VPS37C: variants seen among roughly 807,000 people sequenced by gnomAD.
The protein encoded by VPS37C is vacuolar protein sorting-associated protein 37C.
A neutral mutation model predicts 16.1 loss-of-function variants in VPS37C; 9 were observed. That is an observed-to-expected ratio of 0.56 (90% CI 0.34 to 0.97). VPS37C has a LOEUF of 0.97. VPS37C is among the 50% of genes least tolerant of loss of function. The pLI, the probability that VPS37C is intolerant of heterozygous loss-of-function variation, is 0.02. For synonymous variants in VPS37C, 207 were observed against 206.4 expected (o/e 1.00, Z -0.02); for missense variants, 479 against 472.7 (o/e 1.01, Z -0.12).
At chr11:61,149,184 G>T (rs1209820096) in intron 1 of VPS37C, among the ~76,000 whole-genome samples, 2 of 152,202 alleles carry the variant, frequency 1.3e-5, no homozygotes, top group African/African-American at 4.8e-5. Flanking sequence ...TACTCAGGAG[G>T]CTGAGGCAGG....
chr11:61,133,345 G>C lies in VPS37C; in HGVS notation c.266-8C>G, dbSNP rs1026890365. On this transcript the variant is annotated splice_region_variant and splice_polypyrimidine_tract_variant and intron_variant, in intron 3 of 4. Coordinates refer to ENST00000301765, the MANE Select transcript of VPS37C (RefSeq NM_017966.5). ...GTGCTGAAGAAAATTTCTCTGGAAGGGAGGGCAGAACGACTGACATTTGAA... is the reference window on the plus strand; with the variant it reads ...GTGCTGAAGAAAATTTCTCTGGAAGCGAGGGCAGAACGACTGACATTTGAA... 6.2e-7 allele frequency: 1 copy of C among 1,613,660 alleles called. No homozygotes were observed. The highest frequency in any genetic ancestry group is 8.5e-7 in the Non-Finnish European group (1 of 1,179,912).
chr11:61,138,859 T>C, intron 1 of VPS37C, 24 bp from the exon 2 acceptor site: 2 of 1,610,014 alleles, frequency 1.2e-6, no homozygotes, highest in Non-Finnish European at 8.5e-7. Context: ...GACACCAAAG[T>C]AACGAACAGG....
chr11:61,132,559 G>C lies in VPS37C; in HGVS notation c.349-20C>G. 2 of 1,561,296 alleles carry C rather than the reference G, an allele frequency of 1.3e-6. No individual in the cohort carries two copies. The highest frequency in any genetic ancestry group is 1.7e-6 in the Non-Finnish European group (2 of 1,151,632). On this transcript the variant is annotated intron_variant, in intron 4 of 4. Transcript: ENST00000301765. ...CATGGCCTGGAAGACATAAGGTCCAGTGACAACAGGGGCAGCTGGGATCAA... is the reference window on the plus strand; with the variant it reads ...CATGGCCTGGAAGACATAAGGTCCACTGACAACAGGGGCAGCTGGGATCAA...
intron 1 of VPS37C, among the ~76,000 whole-genome samples, chr11:61,147,358 T>C (rs943611738): frequency 3.9e-5 from 6 of 152,324 alleles, no homozygotes; most frequent in African/African-American, 1.4e-4. Context: ...CCTGTTGCTT[T>C]GATCTCTGGT....
intron 1 of VPS37C, among the ~76,000 whole-genome samples, chr11:61,157,611 G>A (rs951931978): frequency 1.3e-5 from 2 of 152,074 alleles, no homozygotes; most frequent in Non-Finnish European, 2.9e-5. Context: ...GGTAGTAGAA[G>A]TTCTTTACAT....
intron 1 of VPS37C, among the ~76,000 whole-genome samples, chr11:61,150,207 T>A (rs958981354): frequency 6.6e-6 from 1 of 151,826 alleles, no homozygotes; most frequent in African/African-American, 2.4e-5. Context: ...GACATGTGGG[T>A]CCCCCCCACC....
intron 1 of VPS37C, among the ~76,000 whole-genome samples, chr11:61,150,768 C>A (rs1853286462): frequency 6.6e-6 from 1 of 152,058 alleles, no homozygotes; most frequent in African/African-American, 2.4e-5. Flanking sequence ...TCCCCTCCTC[C>A]ACTCCCTTTC....
At chr11:61,141,992 C>T (rs1861479730) in intron 1 of VPS37C, among the ~76,000 whole-genome samples, 1 of 152,214 alleles carries the variant, frequency 6.6e-6, no homozygotes, top group Admixed American at 6.5e-5. Context: ...TGGGGAGGCC[C>T]CGAGAAGAGC....
chr11:61,135,812 A>G (rs1458939703), intron 2 of VPS37C, among the ~76,000 whole-genome samples: 2 of 152,182 alleles, frequency 1.3e-5, no homozygotes, highest in South Asian at 4.1e-4. Flanking sequence ...CATCCCTTGC[A>G]GGGCCCCATG....
intron 1 of VPS37C, among the ~76,000 whole-genome samples, chr11:61,146,758 C>T (rs373189759): frequency 5.3e-4 from 81 of 152,358 alleles, no homozygotes; most frequent in African/African-American, 1.9e-3. Context: ...AACAGTGCCC[C>T]TGGTTCCTCA....
rs775548138 is a variant in VPS37C at position 61,132,270 on chromosome 11, G to A, written c.618C>T (p.Pro206=). Residue 206 remains proline, a synonymous_variant, in exon 5 of 5, where the codon CCC becomes CCT. Coordinates refer to ENST00000301765, the MANE Select transcript of VPS37C (RefSeq NM_017966.5). ...CAGGCAGGCTGGGGGATGGGCTGTA[G>A]GGCAAAGGGTAGGGAGGCATGGCTA... The part of the protein sequence containing the change: ...PPLAMPPYPL[P]YSPSPSLPVG... 7.8e-6 allele frequency: 12 copies of A among 1,545,108 alleles called. No homozygotes were observed. The Admixed American group carries it at 1.4e-4, about 18-fold the overall frequency.
intron 1 of VPS37C, among the ~76,000 whole-genome samples, chr11:61,141,367 C>CAA (rs1242030018): frequency 1.6e-5 from 2 of 126,438 alleles, no homozygotes; most frequent in Non-Finnish European, 3.4e-5. Context: ...GACTCGGTCT[C>CAA]AAAAAAAAAA....
chr11:61,151,437 G>C (rs558805752), intron 1 of VPS37C, among the ~76,000 whole-genome samples: 1 of 152,218 alleles, frequency 6.6e-6, no homozygotes, highest in African/African-American at 2.4e-5. Flanking sequence ...GGGATTAAAG[G>C]CTCTGAATCT....
chr11:61,159,974 C>G (rs917108901), intron 1 of VPS37C, among the ~76,000 whole-genome samples: 1 of 148,434 alleles, frequency 6.7e-6, no homozygotes, highest in Non-Finnish European at 1.5e-5. Flanking sequence ...GCCAGGTTAT[C>G]TAACATCTCC....
intron 1 of VPS37C, among the ~76,000 whole-genome samples, chr11:61,139,536 G>A (rs1329634348): frequency 6.6e-6 from 1 of 152,116 alleles, no homozygotes; most frequent in Non-Finnish European, 1.5e-5. Context: ...TTGACAGAGA[G>A]CTAGTGTCAG....
rs929654019 is a variant in VPS37C at position 61,130,725 on chromosome 11, C to A, written c.*1095G>T. 4 of 413,218 alleles carry A rather than the reference C, an allele frequency of 9.7e-6. No individual in the cohort carries two copies. Among genetic ancestry groups the A allele is most frequent in the African/African-American group, 6.5e-5 (3 of 46,428 alleles). 25.6% of individuals were successfully genotyped at this position (413,218 alleles called of 1,614,324 possible). ...ATATTAAACAGAGACATAATCCCCA[C>A]CCTTTACATTCTGAAGACAGGGAGG... is the stretch of plus-strand genomic sequence containing the variant. On this transcript the variant is annotated 3_prime_UTR_variant, in exon 5 of 5. Coordinates refer to ENST00000301765, the MANE Select transcript of VPS37C (RefSeq NM_017966.5).
chr11:61,142,975 T>TAAA, intron 1 of VPS37C, among the ~76,000 whole-genome samples: 41 of 47,574 alleles, frequency 8.6e-4, no homozygotes, highest in Non-Finnish European at 1.4e-3. Context: ...AAAGAATAGC[T>TAAA]AAAAAAAAAA....
chr11:61,151,993 G>A (rs945662958), intron 1 of VPS37C, among the ~76,000 whole-genome samples: 18 of 152,094 alleles, frequency 1.2e-4, no homozygotes, highest in African/African-American at 3.9e-4. Context: ...CAGATGACTC[G>A]GAAAGGATTT....
chr11:61,140,312 A>G (rs1018972100), intron 1 of VPS37C, among the ~76,000 whole-genome samples: 1 of 152,176 alleles, frequency 6.6e-6, no homozygotes, highest in Non-Finnish European at 1.5e-5. Context: ...GAAAGGTAAG[A>G]GGAGGACTGA....
Sources: allele counts gnomAD v4.1 joint callset (sites outside exome capture counted in the v4.1 genomes callset), GRCh38; gene constraint gnomAD v4.1.1; transcripts MANE v1.5; gene names NCBI Gene and HGNC (gene_info 2026-07-23, HGNC 2026-07-21).